The following DCAF6 variants were observed in gnomAD, a reference collection of about 807,000 sequenced individuals.
DCAF6 encodes DDB1 and CUL4 associated factor 6, also known as DDB1- and CUL4-associated factor 6.
DCAF6 carries 54 observed loss-of-function variants against 125.1 expected under a neutral mutation model. The ratio of observed to expected loss-of-function variants is 0.43; its 90% confidence interval spans 0.35 to 0.54. The LOEUF is 0.54. DCAF6 is among the 20% of genes least tolerant of loss of function. The pLI is 0.01. For missense variants in DCAF6, 934 were observed against 1,161.7 expected, an observed-to-expected ratio of 0.80 and a Z score of 2.85; for synonymous variants, 371 against 390.4, an observed-to-expected ratio of 0.95 and a Z score of 0.58.
chr1:168,035,074 A>G (rs1687618943), intron 12 of DCAF6, among the ~76,000 whole-genome samples: 2 of 152,222 alleles, frequency 1.3e-5, no homozygotes, highest in Non-Finnish European at 2.9e-5. Context: ...ATGACCAAGC[A>G]AACTAGAATT....
At chr1:167,937,306 T>TG in intron 1 of DCAF6, 1 of 421,664 alleles carries the variant, frequency 2.4e-6, no homozygotes, top group South Asian at 3.0e-5. Flanking sequence ...TCGGGAGACT[T>TG]GCGGAACCTC....
At chr1:167,914,704 C>A in the DCAF6 span, among the ~76,000 whole-genome samples, 3 of 152,190 alleles carry the variant, frequency 2.0e-5, no homozygotes, top group Non-Finnish European at 2.9e-5. Flanking sequence ...TGTTTTCTAA[C>A]AGCTTAAATC....
At chr1:167,974,703 T>A in intron 3 of DCAF6, 127 bp from the exon 4 acceptor site, 2 of 646,688 alleles carry the variant, frequency 3.1e-6, no homozygotes, top group Non-Finnish European at 4.7e-6. Context: ...TAGCTTGCAG[T>A]CTAGTGATAA....
rs1306275410 is a variant in DCAF6, at chr1:168,055,344, T to TG, written c.2300+4411_2300+4412insG. On this transcript the variant is annotated intron_variant, in intron 17 of 21. Transcript: ENST00000367840. ...AATCAGGCTTAAGTTTTTTTTTTTT[T>TG]TTTTTTTTTTTTTTTTAACGAAGAA... is the stretch of plus-strand genomic sequence containing the variant. 1.3e-4 allele frequency among the ~76,000 whole-genome samples: 5 copies of TG among 37,506 alleles called. 2 individuals carry two copies. In the African/African-American group the frequency reaches 1.4e-3, roughly 11 times the overall value. The allele number at this position is 37,506 out of a possible 152,430, so 24.6% of individuals were successfully genotyped here. A position where few individuals can be genotyped will look rare whatever the true frequency, so the allele number is the denominator to read the frequency against.
intron 1 of DCAF6, among the ~76,000 whole-genome samples, chr1:167,945,701 C>T (rs1392592014): frequency 6.6e-6 from 1 of 151,828 alleles, no homozygotes; most frequent in Non-Finnish European, 1.5e-5. Flanking sequence ...AGGGTTTCAC[C>T]ATGTTGGCCA....
At chr1:167,883,155 A>G in the DCAF6 span, among the ~76,000 whole-genome samples, 6 of 152,214 alleles carry the variant, frequency 3.9e-5, no homozygotes, top group Non-Finnish European at 8.8e-5. Context: ...GTCCTGCCTC[A>G]GCCTCCTGAG....
chr1:167,936,700 TAAG>T lies in DCAF6; in HGVS notation c.-208_-206del, dbSNP rs1187893485. On this transcript the variant is annotated 5_prime_UTR_variant, in exon 1 of 22. Coordinates refer to ENST00000367840, the MANE Select transcript of DCAF6 (RefSeq NM_001198956.2). ...TGATCTTTGGATGTTCTGGTTAGTC[TAAG>T]AAGGAGAGTATGAGGCGAGCTCCGG... The T allele has an allele frequency of 1.2e-5, 7 of 561,884 alleles. No individual in the cohort carries two copies. Among genetic ancestry groups the T allele is most frequent in the Non-Finnish European group, 2.2e-5 (7 of 315,694 alleles). 34.8% of individuals were successfully genotyped at this position (561,884 alleles called of 1,614,324 possible).
At chr1:168,014,835 C>A (rs967878854) in intron 10 of DCAF6, among the ~76,000 whole-genome samples, 2 of 152,170 alleles carry the variant, frequency 1.3e-5, no homozygotes, top group Non-Finnish European at 2.9e-5. Flanking sequence ...CTTATTTCCT[C>A]GAGGTGTTTG....
At chr1:167,976,430 C>G (rs189496452) in intron 4 of DCAF6, among the ~76,000 whole-genome samples, 8 of 152,098 alleles carry the variant, frequency 5.3e-5, no homozygotes, top group African/African-American at 1.7e-4. Flanking sequence ...CAAGACTGCG[C>G]TACTGTACTC....
intron 4 of DCAF6, among the ~76,000 whole-genome samples, chr1:167,983,488 TC>T (rs780309629): frequency 1.3e-5 from 2 of 152,160 alleles, no homozygotes; most frequent in Non-Finnish European, 2.9e-5. Flanking sequence ...CAATAAGCCT[TC>T]CAGTCTTTGT....
the DCAF6 span, among the ~76,000 whole-genome samples, chr1:167,868,610 A>C: frequency 7.2e-6 from 1 of 139,590 alleles, no homozygotes; most frequent in Non-Finnish European, 1.5e-5. Flanking sequence ...AACCTACGCT[A>C]AGCTGCCTGA....
the DCAF6 span, among the ~76,000 whole-genome samples, chr1:167,870,568 G>A: frequency 1.3e-5 from 2 of 150,542 alleles, no homozygotes; most frequent in African/African-American, 2.5e-5. Context: ...CGAGGTGGGC[G>A]GATCTGCTGA....
chr1:167,879,253 T>C, the DCAF6 span, among the ~76,000 whole-genome samples: 1 of 152,194 alleles, frequency 6.6e-6, no homozygotes, highest in Non-Finnish European at 1.5e-5. Context: ...ATAGGGATGA[T>C]AATAGTAACT....
At chr1:167,943,437 A>G (rs1672564463) in intron 1 of DCAF6, among the ~76,000 whole-genome samples, 1 of 152,098 alleles carries the variant, frequency 6.6e-6, no homozygotes, top group Admixed American at 6.5e-5. Context: ...TTCTCTCAGC[A>G]GTGATTTGTA....
At chr1:167,893,810 T>C in the DCAF6 span, 1 of 1,354,406 alleles carries the variant, frequency 7.4e-7, no homozygotes, top group South Asian at 1.2e-5. Context: ...GCTGTCCAGA[T>C]CCCTGACATC....
At chr1:167,976,703 A>G (rs1678239852) in intron 4 of DCAF6, among the ~76,000 whole-genome samples, 1 of 151,926 alleles carries the variant, frequency 6.6e-6, no homozygotes, top group Admixed American at 6.6e-5. Flanking sequence ...TTATGTGATT[A>G]TATTGTTCAG....
At chr1:167,954,664 G>A (rs1411065467) in intron 2 of DCAF6, among the ~76,000 whole-genome samples, 1 of 151,672 alleles carries the variant, frequency 6.6e-6, no homozygotes, top group Non-Finnish European at 1.5e-5. Context: ...GTGTTAGCCA[G>A]GATGGTCTCG....
the DCAF6 span, among the ~76,000 whole-genome samples, chr1:167,922,141 G>A: frequency 3.3e-4 from 50 of 152,242 alleles, 2 homozygotes; most frequent in South Asian, 9.9e-3. Context: ...GGTATATAAG[G>A]TAAGTATCTA....
At chr1:168,059,092 T>C (rs1337963302) in intron 17 of DCAF6, among the ~76,000 whole-genome samples, 1 of 152,204 alleles carries the variant, frequency 6.6e-6, no homozygotes, top group Non-Finnish European at 1.5e-5. Context: ...CTTGTCACTT[T>C]CTTTTATTTA....
Sources: allele counts gnomAD v4.1 joint callset (sites outside exome capture counted in the v4.1 genomes callset), GRCh38; gene constraint gnomAD v4.1.1; transcripts MANE v1.5; gene names NCBI Gene and HGNC (gene_info 2026-07-23, HGNC 2026-07-21).